Variants in RFX7 observed in about 807,000 individuals in gnomAD.
RFX7 encodes the protein DNA-binding protein RFX7.
In RFX7, 26 loss-of-function variants were observed where a neutral mutation model predicts 111.8. That is an observed-to-expected ratio of 0.23 (90% confidence interval 0.17 to 0.32). The LOEUF is 0.32. Among genes scored for constraint, RFX7 ranks in the 10% least tolerant of loss-of-function variants. The pLI is 1.00. For missense variants in RFX7, 1,573 were observed against 1,772.9 expected (o/e 0.89, Z 2.02); for synonymous variants, 624 against 624.4 (o/e 1.00, Z 0.01).
intron 2 of RFX7, among the ~76,000 whole-genome samples, chr15:56,218,402 G>T (rs562756180): frequency 2.6e-5 from 4 of 152,036 alleles, no homozygotes; most frequent in Non-Finnish European, 5.9e-5. Flanking sequence ...AAAGTGCTGG[G>T]ATTACAGGCG....
chr15:56,179,974 T>A (rs1446388490), intron 2 of RFX7, among the ~76,000 whole-genome samples: 2 of 152,162 alleles, frequency 1.3e-5, no homozygotes, highest in Admixed American at 1.3e-4. Context: ...TGTTAATATA[T>A]AACACAAATG....
At chr15:56,234,965 T>A (rs2414467) in intron 2 of RFX7, among the ~76,000 whole-genome samples, 19,805 of 152,172 alleles carry the variant, frequency 0.13, 1,693 homozygotes, top group East Asian at 0.44. Flanking sequence ...CCCCTGGGAG[T>A]TGACGAAAGG....
intron 5 of RFX7, among the ~76,000 whole-genome samples, chr15:56,129,557 G>C (rs953934198): frequency 6.6e-6 from 1 of 152,106 alleles, no homozygotes; most frequent in Non-Finnish European, 1.5e-5. Context: ...AAGCACATAG[G>C]AATATGGATA....
chr15:56,240,682 ATTTCT>A (rs1167119992), intron 2 of RFX7, among the ~76,000 whole-genome samples: 1 of 152,152 alleles, frequency 6.6e-6, no homozygotes, highest in Non-Finnish European at 1.5e-5. Context: ...TAAATGTCAC[ATTTCT>A]TTTGAGTGTA....
At chr15:56,148,473 G>A (rs1449094286) in intron 3 of RFX7, among the ~76,000 whole-genome samples, 1 of 152,168 alleles carries the variant, frequency 6.6e-6, no homozygotes, top group African/African-American at 2.4e-5. Flanking sequence ...ATGTGATCAA[G>A]GGGAAAATGA....
chr15:56,145,588 T>C (rs1323008076), intron 3 of RFX7, among the ~76,000 whole-genome samples: 2 of 152,216 alleles, frequency 1.3e-5, no homozygotes, highest in Non-Finnish European at 2.9e-5. Flanking sequence ...GCTATACCCT[T>C]GTGTAGCTCT....
chr15:56,230,113 A>T lies in RFX7; in HGVS notation c.161+13012T>A, dbSNP rs2043533986. Among the ~76,000 whole-genome samples, 3 of 152,198 alleles carry T rather than the reference A, an allele frequency of 2.0e-5. No individual in the cohort carries two copies. The South Asian group carries it at 6.2e-4, about 32-fold the overall frequency. ...CAAACCCTCTGCTAGGACCAAACTTAAAAAAGCCATCTCCAATTCAATGTT... is the reference window on the plus strand; with the variant it reads ...CAAACCCTCTGCTAGGACCAAACTTTAAAAAGCCATCTCCAATTCAATGTT... On this transcript the variant is annotated intron_variant, in intron 2 of 9. Coordinates refer to ENST00000559447, the MANE Select transcript of RFX7 (RefSeq NM_022841.7).
At chr15:56,233,367 A>C (rs1414822510) in intron 2 of RFX7, among the ~76,000 whole-genome samples, 1 of 152,176 alleles carries the variant, frequency 6.6e-6, no homozygotes, top group Non-Finnish European at 1.5e-5. Flanking sequence ...ATGGGGGAAA[A>C]CTGCCCCCAT....
Position 56,093,327 on chromosome 15 carries a change from C to G in RFX7, c.*18G>C. 2.5e-6 allele frequency: 4 copies of G among 1,582,054 alleles called. No homozygotes were observed. The highest frequency in any genetic ancestry group is 3.4e-6 in the Non-Finnish European group (4 of 1,163,910). ...ATATGTCTTTAGATACAGTGTGCTACATGTTATAAAACACAATTTAACCCA... is the reference window on the plus strand; with the variant it reads ...ATATGTCTTTAGATACAGTGTGCTAGATGTTATAAAACACAATTTAACCCA... On this transcript the variant is annotated 3_prime_UTR_variant, in exon 10 of 10. Coordinates refer to ENST00000559447, the MANE Select transcript of RFX7 (RefSeq NM_022841.7).
chr15:56,233,734 G>A (rs2043593143), intron 2 of RFX7, among the ~76,000 whole-genome samples: 1 of 152,146 alleles, frequency 6.6e-6, no homozygotes, highest in African/African-American at 2.4e-5. Flanking sequence ...GAAAAATCGT[G>A]GTTGTGAAAG....
chr15:56,226,805 T>C (rs926149551), intron 2 of RFX7, among the ~76,000 whole-genome samples: 4 of 152,156 alleles, frequency 2.6e-5, no homozygotes, highest in African/African-American at 9.7e-5. Context: ...ATGAAAGCTA[T>C]AAATAGCTGA....
chr15:56,174,382 A>T (rs1291930252), intron 3 of RFX7, among the ~76,000 whole-genome samples: 2 of 152,184 alleles, frequency 1.3e-5, no homozygotes, highest in African/African-American at 4.8e-5. Context: ...AGTTCAGGGG[A>T]AAAGAATAAG....
At chr15:56,142,928 G>T in intron 4 of RFX7, 28 bp from the exon 5 acceptor site, 1 of 1,610,556 alleles carries the variant, frequency 6.2e-7, no homozygotes, top group South Asian at 1.1e-5. Flanking sequence ...TGTTTTAGCT[G>T]ACCAGACAGC....
chr15:56,226,823 T>C (rs1488139878), intron 2 of RFX7, among the ~76,000 whole-genome samples: 1 of 152,162 alleles, frequency 6.6e-6, no homozygotes, highest in Non-Finnish European at 1.5e-5. Flanking sequence ...TGAAACCCTT[T>C]ACTGAGGAAG....
intron 2 of RFX7, among the ~76,000 whole-genome samples, chr15:56,230,277 A>C (rs1443367817): frequency 6.6e-6 from 1 of 152,268 alleles, no homozygotes; most frequent in Non-Finnish European, 1.5e-5. Context: ...TCATCTGCTC[A>C]GTGGTTTTTA....
chr15:56,234,191 T>C (rs774759003), intron 2 of RFX7, among the ~76,000 whole-genome samples: 1 of 152,250 alleles, frequency 6.6e-6, no homozygotes, highest in Non-Finnish European at 1.5e-5. Context: ...TACGCCATTA[T>C]TGCATTTAAC....
intron 3 of RFX7, among the ~76,000 whole-genome samples, chr15:56,147,775 G>A (rs951941092): frequency 2.0e-5 from 3 of 152,092 alleles, no homozygotes; most frequent in Non-Finnish European, 2.9e-5. Flanking sequence ...GGGTTTCACC[G>A]TGTTAGCGAG....
chr15:56,217,225 A>C (rs543733071), intron 2 of RFX7, among the ~76,000 whole-genome samples: 32 of 152,192 alleles, frequency 2.1e-4, no homozygotes. Flanking sequence ...AGACAAATGT[A>C]TCTACTAAGA....
At chr15:56,224,414 G>A (rs1461262149) in intron 2 of RFX7, among the ~76,000 whole-genome samples, 7 of 150,952 alleles carry the variant, frequency 4.6e-5, no homozygotes, top group Non-Finnish European at 1.0e-4. Context: ...TTAACAAAAA[G>A]CAACATTTTT....
Sources: gnomAD v4.1 joint callset for allele counts (sites outside exome capture counted in the v4.1 genomes callset) on GRCh38, gnomAD v4.1.1 for gene constraint, MANE v1.5 for transcripts, NCBI Gene and HGNC (gene_info 2026-07-23, HGNC 2026-07-21) for gene names.